Variants in RSAD2 observed in about 807,000 individuals in gnomAD.
RSAD2 encodes radical S-adenosyl methionine domain containing 2.
RSAD2 carries 38 observed loss-of-function variants against 37.7 expected under a neutral mutation model. The ratio of observed to expected loss-of-function variants is 1.01; its 90% CI spans 0.78 to 1.32. The LOEUF (loss-of-function observed/expected upper bound fraction) is 1.32, where lower values mean the gene tolerates loss of function less well. Ranked by LOEUF, RSAD2 falls within the 40% of genes most tolerant of loss-of-function variation. RSAD2 has a pLI of 0.00. For missense variants in RSAD2, 428 were observed against 437.5 expected (o/e 0.98, Z 0.19); for synonymous variants, 163 against 157.4 (o/e 1.04, Z -0.27).
intron 1 of RSAD2, among the ~76,000 whole-genome samples, chr2:6,868,412 C>A (rs1663144853): frequency 6.6e-6 from 1 of 151,552 alleles, no homozygotes; most frequent in African/African-American, 2.4e-5. Context: ...AAAAGGATAC[C>A]CAAAAGAGAA....
intron 1 of RSAD2, among the ~76,000 whole-genome samples, chr2:6,879,668 T>C (rs1663362656): frequency 6.6e-6 from 1 of 152,098 alleles, no homozygotes; most frequent in Non-Finnish European, 1.5e-5. Context: ...TGTACTATTT[T>C]GTTCAGTTTT....
chr2:6,890,034 A>C, intron 3 of RSAD2, 142 bp from the exon 4 acceptor site: 1 of 689,712 alleles, frequency 1.4e-6, no homozygotes. Flanking sequence ...TCATTTCCCC[A>C]AAGTAATATC....
At chr2:6,892,229 T>A (rs2103248615) in intron 4 of RSAD2, among the ~76,000 whole-genome samples, 1 of 152,322 alleles carries the variant, frequency 6.6e-6, no homozygotes, top group Admixed American at 6.5e-5. Context: ...TTCCTTATGC[T>A]TTAGACTTCT....
Position 6,890,188 on chromosome 2 carries a change from C to T in RSAD2, c.751C>T (p.Leu251Phe), listed in dbSNP as rs1040595583. The T allele has an allele frequency of 5.0e-5, 81 of 1,613,974 alleles. No individual in the cohort carries two copies. The highest frequency in any genetic ancestry group is 6.5e-5 in the Non-Finnish European group (77 of 1,180,004). ...CATTGCCTTTCAGGTGTTCCAGTGC[C>T]TCTTAATTGAGGGTGAGAATTGTGG... is the stretch of plus-strand genomic sequence containing the variant. ...NPVRWKVFQC[L>F]LIEGENCGED... Residue 251 changes from leucine to phenylalanine, a missense_variant, in exon 4 of 6, where the codon CTC becomes TTC. Transcript: ENST00000382040.
intron 3 of RSAD2, 113 bp downstream of exon 3, chr2:6,887,277 C>T: frequency 1.4e-6 from 1 of 735,084 alleles, no homozygotes. Context: ...ACCTCGCAAG[C>T]CAGTCCAGAA....
intron 1 of RSAD2, among the ~76,000 whole-genome samples, chr2:6,866,932 T>C (rs917138668): frequency 6.6e-6 from 1 of 152,122 alleles, no homozygotes; most frequent in South Asian, 2.1e-4. Flanking sequence ...GAGTGTGGGT[T>C]AATAGGCTAA....
intron 1 of RSAD2, among the ~76,000 whole-genome samples, chr2:6,868,467 A>G (rs1400161879): frequency 6.6e-6 from 1 of 152,222 alleles, no homozygotes; most frequent in African/African-American, 2.4e-5. Flanking sequence ...ATTATAAAAT[A>G]AATGATGAGC....
At chr2:6,878,892 C>T in intron 1 of RSAD2, 1 of 1,139,958 alleles carries the variant, frequency 8.8e-7, no homozygotes. Context: ...TTAACAAAAG[C>T]ATAGCATACA....
chr2:6,887,127 C>T lies in RSAD2; in HGVS notation c.701C>T (p.Thr234Met), dbSNP rs61740841. 1,114 of 1,613,284 alleles carry T rather than the reference C, an allele frequency of 6.9e-4. 11 individuals are homozygous for T. The African/African-American group carries it at 0.013, about 18-fold the overall frequency. The change falls in exon 3 of 6, where the codon ACG (threonine) becomes ATG (methionine). Residue 234 changes from threonine to methionine, a missense_variant. Coordinates refer to ENST00000382040, the MANE Select transcript of RSAD2 (RefSeq NM_080657.5). The stretch of plus-strand genomic sequence containing the variant: ...CGTTTCAACGTGGAAGAGGACATGA[C>T]GGAACAGATCAAAGCACTAAACCCT... Reference protein sequence around the residue: ...INRFNVEEDMTEQIKALNPVR... With the variant: ...INRFNVEEDMMEQIKALNPVR...
chr2:6,886,016 T>C (rs766235575), intron 2 of RSAD2, among the ~76,000 whole-genome samples: 1 of 152,184 alleles, frequency 6.6e-6, no homozygotes, highest in Non-Finnish European at 1.5e-5. Flanking sequence ...CTTTTTATAA[T>C]ATTAGAGGAT....
At position 6,892,167 on chromosome 2, in the gene RSAD2, T is replaced by A. The variant is rs72779793; in HGVS notation, c.889-1504T>A. Among the ~76,000 whole-genome samples, 827 of 152,234 alleles carry A rather than the reference T, an allele frequency of 5.4e-3. 1 individual carries two copies. Among genetic ancestry groups the A allele is most frequent in the Admixed American group, 0.014 (213 of 15,288 alleles). ...ATCCAAAAATACATATACAGGAAAA[T>A]CTCTACCCCATATGTTTAAGTAATG... On this transcript the variant is annotated intron_variant, in intron 4 of 5. Transcript: ENST00000382040.
intron 1 of RSAD2, among the ~76,000 whole-genome samples, chr2:6,880,856 T>C (rs1663382932): frequency 6.6e-6 from 1 of 151,638 alleles, no homozygotes; most frequent in Non-Finnish European, 1.5e-5. Flanking sequence ...TAAAATTTAC[T>C]ATTCTGGCTA....
intron 1 of RSAD2, among the ~76,000 whole-genome samples, chr2:6,878,579 G>T (rs560082964): frequency 6.6e-6 from 1 of 152,286 alleles, no homozygotes; most frequent in East Asian, 1.9e-4. Context: ...CAAAAACTTT[G>T]ACATAAAAAT....
intron 1 of RSAD2, among the ~76,000 whole-genome samples, chr2:6,872,173 T>G (rs766300598): frequency 6.6e-6 from 1 of 152,198 alleles, no homozygotes; most frequent in Non-Finnish European, 1.5e-5. Flanking sequence ...TATAGAATTT[T>G]TCTGAGCTAA....
chr2:6,887,769 A>G (rs906905030), intron 3 of RSAD2, among the ~76,000 whole-genome samples: 2 of 152,248 alleles, frequency 1.3e-5, no homozygotes, highest in African/African-American at 4.8e-5. Flanking sequence ...GGCTGTTTAA[A>G]AAGCAGCTTC....
chr2:6,886,489 C>T (rs781550468), intron 2 of RSAD2, among the ~76,000 whole-genome samples: 7 of 152,122 alleles, frequency 4.6e-5, no homozygotes, highest in Admixed American at 1.3e-4. Context: ...CCAGAAGAAG[C>T]GGATGAACTT....
upstream of RSAD2, among the ~76,000 whole-genome samples, chr2:6,875,902 G>C (rs919052196): frequency 6.6e-6 from 1 of 152,166 alleles, no homozygotes; most frequent in African/African-American, 2.4e-5. Flanking sequence ...ATTTAAACTA[G>C]ATTCTGCTTG....
chr2:6,890,088 G>A, intron 3 of RSAD2, 88 bp from the exon 4 acceptor site: 1 of 1,280,998 alleles, frequency 7.8e-7, no homozygotes, highest in South Asian at 1.4e-5. Flanking sequence ...TTGCTCAGAA[G>A]AGATGAAGCT....
rs1663562781 is a variant in RSAD2 at position 6,888,335 on chromosome 2, T to C, written c.738+1171T>C. Among the ~76,000 whole-genome samples, 3 of 152,286 alleles carry C rather than the reference T, an allele frequency of 2.0e-5. No individual in the cohort carries two copies. The East Asian group carries it at 5.8e-4, about 29-fold the overall frequency. ...TTGAACTTGAACTTTTGGTTACATA[T>C]ATAAGGATATGAATTATCAGCCACA... On this transcript the variant is annotated intron_variant, in intron 3 of 5. Coordinates refer to ENST00000382040, the MANE Select transcript of RSAD2 (RefSeq NM_080657.5).
Sources: allele counts gnomAD v4.1 joint callset (sites outside exome capture counted in the v4.1 genomes callset), GRCh38; gene constraint gnomAD v4.1.1; transcripts MANE v1.5; gene names NCBI Gene and HGNC (gene_info 2026-07-23, HGNC 2026-07-21).